Variants in CBLIF observed in about 807,000 individuals in gnomAD.
CBLIF encodes the protein cobalamin binding intrinsic factor.
A neutral mutation model predicts 44.9 loss-of-function variants in CBLIF; 24 were observed. That is an observed-to-expected ratio of 0.53 (90% confidence interval 0.39 to 0.75). The LOEUF is 0.75. Among genes scored for constraint, CBLIF ranks in the 30% least tolerant of loss-of-function variants. The pLI is 0.00. For synonymous variants in CBLIF, 183 were observed against 190.9 expected, an observed-to-expected ratio of 0.96 and a Z score of 0.34; for missense variants, 481 against 513.0, an observed-to-expected ratio of 0.94 and a Z score of 0.60.
At position 59,845,371 on chromosome 11, in the gene CBLIF, T is replaced by G. The variant is rs142321620; in HGVS notation, c.79+4A>C. On this transcript the variant is annotated splice_donor_region_variant and intron_variant, in intron 1 of 8. Coordinates refer to ENST00000257248, the MANE Select transcript of CBLIF (RefSeq NM_005142.3). ...TGACCTCCTTGGAAAAACATCATAC[T>G]CACAGCATGAACTCTGGGTCTGGGT... The G allele has an allele frequency of 1.2e-6, 2 of 1,610,840 alleles. No homozygotes were observed. Among genetic ancestry groups the G allele is most frequent in the African/African-American group, 1.3e-5 (1 of 74,918 alleles).
At chr11:59,838,211 G>C (rs922172312) in intron 5 of CBLIF, among the ~76,000 whole-genome samples, 1 of 152,164 alleles carries the variant, frequency 6.6e-6, no homozygotes, top group African/African-American at 2.4e-5. Flanking sequence ...CTTGCAAAAT[G>C]AGTCTTGAGT....
rs1236405652 is a variant in CBLIF, at chr11:59,831,780, T to C, written c.1090A>G (p.Thr364Ala). The C allele has an allele frequency of 6.3e-7, 1 of 1,586,848 alleles. No individual in the cohort carries two copies. The highest frequency in any genetic ancestry group is 1.7e-5 in the Admixed American group (1 of 59,972). ...NPMFKFETTMTSWGLVVSSIN... is the reference protein window; with the variant it reads ...NPMFKFETTMASWGLVVSSIN... ...GAAGAGACGACAAGGCCCCAAGATG[T>C]CATTGTGGTTTCAAATCTAAAAAAA... is the stretch of plus-strand genomic sequence containing the variant. The change falls in exon 8 of 9, where the codon ACA becomes GCA. Residue 364 changes from threonine to alanine, a missense_variant. Physicochemically the swap from Thr to Ala is moderately conservative, Grantham distance 58. Transcript: ENST00000257248.
At position 59,835,847 on chromosome 11, in the gene CBLIF, A is replaced by C; in HGVS notation, c.1034T>G (p.Val345Gly). Reference protein sequence around the residue: ...VSVKSGSVLLVVLEEAQRKNP... With the variant: ...VSVKSGSVLLGVLEEAQRKNP... ...TTTGCGCTGTGCTTCCTCTAGGACA[A>C]CAAGTAACACTGACCCACTTTTCAC... The change falls in exon 7 of 9, where the codon GTT (valine) becomes GGT (glycine). Residue 345 changes from valine (V) to glycine (G), a missense_variant. Coordinates refer to ENST00000257248, the MANE Select transcript of CBLIF (RefSeq NM_005142.3). 6.2e-7 allele frequency: 1 copy of C among 1,614,160 alleles called. No homozygotes were observed. The highest frequency in any genetic ancestry group is 8.5e-7 in the Non-Finnish European group (1 of 1,179,982).
At chr11:59,829,646 G>A (rs967487254) in intron 8 of CBLIF, 101 bp from the exon 9 acceptor site, 3 of 749,146 alleles carry the variant, frequency 4.0e-6, no homozygotes, top group East Asian at 2.6e-5. Flanking sequence ...CCCATTAAAT[G>A]TTTTTAAAGG....
chr11:59,839,382 A>T (rs1866494534), intron 5 of CBLIF, among the ~76,000 whole-genome samples: 1 of 152,210 alleles, frequency 6.6e-6, no homozygotes, highest in African/African-American at 2.4e-5. Flanking sequence ...GATCTTGAAC[A>T]ATTGTTAAGC....
chr11:59,843,997 C>A lies in CBLIF; in HGVS notation c.138G>T (p.Ser46=), dbSNP rs200472519. Residue 46 remains serine, a synonymous_variant, in exon 2 of 9, where the codon TCG becomes TCT. Transcript: ENST00000257248. ...GGTTTGGGTAGGCTGATGAAGTCAC[C>A]GAGTTCTCCATGAGTACTTGTATTC... ...VNGIQVLMEN[S]VTSSAYPNPS... 16 of 1,613,576 alleles carry A rather than the reference C, an allele frequency of 9.9e-6. No homozygotes were observed. The highest frequency in any genetic ancestry group is 1.3e-5 in the Non-Finnish European group (15 of 1,179,630).
At position 59,831,777 on chromosome 11, in the gene CBLIF, A is replaced by G. The variant is rs767255470; in HGVS notation, c.1093T>C (p.Ser365Pro). The change falls in exon 8 of 9, where the codon TCT (serine) becomes CCT (proline). Residue 365 changes from serine to proline, a missense_variant. Coordinates refer to ENST00000257248, the MANE Select transcript of CBLIF (RefSeq NM_005142.3). ...ATAGAAGAGACGACAAGGCCCCAAGATGTCATTGTGGTTTCAAATCTAAAA... is the reference window on the plus strand; with the variant it reads ...ATAGAAGAGACGACAAGGCCCCAAGGTGTCATTGTGGTTTCAAATCTAAAA... ...PMFKFETTMT[S>P]WGLVVSSINN... is the part of the protein sequence containing the mutation. The G allele has an allele frequency of 3.8e-6, 6 of 1,593,652 alleles. No homozygotes were observed. The highest frequency in any genetic ancestry group is 1.7e-5 in the Admixed American group (1 of 59,964).
intron 2 of CBLIF, 46 bp downstream of exon 2, chr11:59,843,833 T>C (rs376404397): frequency 7.0e-6 from 10 of 1,419,516 alleles, no homozygotes; most frequent in Non-Finnish European, 1.0e-5. Flanking sequence ...AGGTGGTATG[T>C]GATGTGTGAG....
chr11:59,844,705 A>G (rs1866583918), intron 1 of CBLIF, among the ~76,000 whole-genome samples: 1 of 152,182 alleles, frequency 6.6e-6, no homozygotes, highest in African/African-American at 2.4e-5. Context: ...GAAGAGTATT[A>G]AAGATTTGGG....
intron 5 of CBLIF, 118 bp from the exon 6 acceptor site, chr11:59,837,469 A>C (rs1866470964): frequency 1.3e-6 from 1 of 787,708 alleles, no homozygotes; most frequent in South Asian, 1.4e-5. Context: ...AGTCACCCAG[A>C]ATGCAAAGCC....
intron 8 of CBLIF, among the ~76,000 whole-genome samples, chr11:59,831,075 G>A (rs923468302): frequency 1.3e-5 from 2 of 152,286 alleles, no homozygotes; most frequent in Admixed American, 6.5e-5. Context: ...ACTAGGTAAC[G>A]TCATGCTTAG....
At position 59,829,584 on chromosome 11, in the gene CBLIF, G is replaced by A. The variant is rs747640987; in HGVS notation, c.1193-39C>T. On this transcript the variant is annotated intron_variant, in intron 8 of 8. Coordinates refer to ENST00000257248, the MANE Select transcript of CBLIF (RefSeq NM_005142.3). ...GAGAATAACATGAGGTGACTGTGGT[G>A]CATGTAACCACCTCCATCCCCCAAG... The A allele has an allele frequency of 3.2e-6, 4 of 1,266,208 alleles. No individual in the cohort carries two copies. The South Asian group carries it at 3.6e-5, about 11-fold the overall frequency. The allele number at this position is 1,266,208 out of a possible 1,614,324, so 78.4% of individuals were successfully genotyped here. A position where few individuals can be genotyped will look rare whatever the true frequency, so the allele number is the denominator to read the frequency against.
rs773563039 is a variant in CBLIF, at chr11:59,837,326, G to T, written c.719C>A (p.Ser240Tyr). Reference protein sequence around the residue: ...MQALSVTPEPSKKEWNCKKTT... With the variant: ...MQALSVTPEPYKKEWNCKKTT... The stretch of plus-strand genomic sequence containing the variant: ...CTTCTTGCAGTTCCATTCCTTTTTA[G>T]ATGGCTCAGGTGTTACAGAGAGAGC... The change falls in exon 6 of 9, where the codon TCT becomes TAT. Residue 240 changes from serine (S) to tyrosine (Y), a missense_variant. Transcript: ENST00000257248. The T allele has an allele frequency of 2.4e-5, 39 of 1,612,970 alleles. No homozygotes were observed. The highest frequency in any genetic ancestry group is 5.3e-5 in the African/African-American group (4 of 74,888).
In CBLIF at chr11:59,844,019, A is replaced by G; in HGVS notation, c.116T>C (p.Ile39Thr). Residue 39 changes from isoleucine to threonine, a missense_variant, in exon 2 of 9, where the codon ATA becomes ACA. Physicochemically the swap from Ile to Thr is moderately conservative, Grantham distance 89 (BLOSUM62 -1). Transcript: ENST00000257248. The part of the protein sequence containing the change: ...PSAQEPLVNG[I>T]QVLMENSVTS... ...CACCGAGTTCTCCATGAGTACTTGT[A>G]TTCCATTGACCAAGGGCTCCTGTGC... is the stretch of plus-strand genomic sequence containing the variant. 1 of 1,613,948 alleles carries G rather than the reference A, an allele frequency of 6.2e-7. No individual in the cohort carries two copies. The highest frequency in any genetic ancestry group is 1.3e-5 in the African/African-American group (1 of 75,040).
intron 8 of CBLIF, among the ~76,000 whole-genome samples, chr11:59,830,467 G>A (rs112505206): frequency 0.2 from 30,129 of 151,584 alleles, 3,489 homozygotes; most frequent in African/African-American, 0.33. Context: ...TTGATCTCCT[G>A]ACCTCCTGAT....
At chr11:59,843,183 A>C in intron 2 of CBLIF, 42 bp from the exon 3 acceptor site, 1 of 1,195,610 alleles carries the variant, frequency 8.4e-7, no homozygotes, top group Non-Finnish European at 1.3e-6. Context: ...AGACATCCTC[A>C]GGGGACAGCT....
intron 7 of CBLIF, among the ~76,000 whole-genome samples, chr11:59,834,242 T>TTC (rs1565207350): frequency 1.5e-4 from 11 of 75,422 alleles, no homozygotes; most frequent in African/African-American, 4.6e-4. Flanking sequence ...TTCTTTCTTT[T>TTC]TCTTTCTTTC....
intron 4 of CBLIF, 40 bp downstream of exon 4, chr11:59,842,403 C>T (rs1590859919): frequency 6.2e-7 from 1 of 1,610,046 alleles, no homozygotes; most frequent in Non-Finnish European, 8.5e-7. Flanking sequence ...TTCACGATGC[C>T]TCTGATGTTC....
intron 7 of CBLIF, 28 bp from the exon 8 acceptor site, chr11:59,831,824 A>C (rs772045892): frequency 7.8e-6 from 8 of 1,023,206 alleles, no homozygotes; most frequent in Non-Finnish European, 1.2e-5. Context: ...TATGATTAAC[A>C]TCTCACTTTA....
Sources: gnomAD v4.1 joint callset for allele counts (sites outside exome capture counted in the v4.1 genomes callset) on GRCh38, gnomAD v4.1.1 for gene constraint, MANE v1.5 for transcripts, NCBI Gene and HGNC (gene_info 2026-07-23, HGNC 2026-07-21) for gene names.